ITGB3BP: variants seen among roughly 807,000 people sequenced by gnomAD.
The protein encoded by ITGB3BP is centromere protein R.
ITGB3BP carries 27 observed loss-of-function variants against 29.1 expected under a neutral mutation model. The ratio of observed to expected loss-of-function variants is 0.93; its 90% CI spans 0.68 to 1.28. ITGB3BP has a LOEUF of 1.28. Among genes scored for constraint, ITGB3BP ranks in the 50% most tolerant of loss-of-function variants. The probability of loss-of-function intolerance (pLI) is 0.00; values close to 1 mark genes in which losing one functional copy is unlikely to be tolerated. For missense variants in ITGB3BP, 192 were observed against 200.2 expected (o/e 0.96, Z 0.25); for synonymous variants, 61 against 61.4 (o/e 0.99, Z 0.03).
upstream of ITGB3BP, chr1:63,525,605 C>G (rs1314325768): frequency 1.3e-6 from 2 of 1,572,308 alleles, no homozygotes; most frequent in South Asian, 2.4e-5. Flanking sequence ...ATGCAACTTT[C>G]TCCAGTCAGA....
chr1:63,497,731 A>C (rs1408873031), intron 2 of ITGB3BP, among the ~76,000 whole-genome samples: 1 of 129,974 alleles, frequency 7.7e-6, no homozygotes, highest in African/African-American at 2.7e-5. Context: ...TGAAGAGGGA[A>C]GGACAGAAGG....
chr1:63,525,725 G>A, upstream of ITGB3BP: 1 of 1,571,626 alleles, frequency 6.4e-7, no homozygotes, highest in South Asian at 1.2e-5. Flanking sequence ...AAAGCAGCTT[G>A]GAAAACATTA....
At chr1:63,494,949 C>T (rs1327279010) in intron 2 of ITGB3BP, among the ~76,000 whole-genome samples, 4 of 152,154 alleles carry the variant, frequency 2.6e-5, no homozygotes, top group East Asian at 1.9e-4. Flanking sequence ...GCTATAGGCA[C>T]GCACTACCAT....
intron 8 of ITGB3BP, chr1:63,446,515 CTTGA>C (rs1490404804): frequency 3.2e-6 from 1 of 316,046 alleles, no homozygotes; most frequent in South Asian, 8.0e-5. Context: ...ATGAAAGATG[CTTGA>C]TTAAGGACCC....
At chr1:63,443,362 A>G (rs1192195124) in intron 8 of ITGB3BP, among the ~76,000 whole-genome samples, 1 of 152,184 alleles carries the variant, frequency 6.6e-6, no homozygotes, top group Admixed American at 6.5e-5. Flanking sequence ...AAAGACGGGT[A>G]AAATTTTGAC....
chr1:63,502,874 T>G (rs866677363), intron 2 of ITGB3BP, among the ~76,000 whole-genome samples: 3 of 152,214 alleles, frequency 2.0e-5, no homozygotes, highest in Non-Finnish European at 4.4e-5. Context: ...TAGTATTCCA[T>G]GGTGCATATG....
At chr1:63,523,491 G>A, upstream of ITGB3BP, 1 of 344,798 alleles carries the variant, frequency 2.9e-6, no homozygotes, top group South Asian at 3.3e-5. Flanking sequence ...TTGGAGAAGG[G>A]CTCTGCATCT....
intron 4 of ITGB3BP, among the ~76,000 whole-genome samples, chr1:63,464,152 A>T (rs1475658577): frequency 6.6e-6 from 1 of 152,182 alleles, no homozygotes; most frequent in Non-Finnish European, 1.5e-5. Context: ...ATCTCATTTT[A>T]AAAAGTCAAA....
At chr1:63,473,607 CGGGA>C (rs1645259033) in intron 4 of ITGB3BP, among the ~76,000 whole-genome samples, 3 of 74,390 alleles carry the variant, frequency 4.0e-5, no homozygotes, top group Non-Finnish European at 9.0e-5. Context: ...CCGCCCCGTC[CGGGA>C]GGGAGGTGGG....
chr1:63,473,349 G>A (rs1254999546), intron 4 of ITGB3BP, among the ~76,000 whole-genome samples: 1 of 151,288 alleles, frequency 6.6e-6, no homozygotes, highest in Non-Finnish European at 1.5e-5. Context: ...GAGGTGGCGG[G>A]GGGTCAGCCC....
upstream of ITGB3BP, chr1:63,525,744 G>T: frequency 6.4e-7 from 1 of 1,562,716 alleles, no homozygotes; most frequent in South Asian, 1.2e-5. Flanking sequence ...TATTTCTAAA[G>T]ATCAACTTTA....
At chr1:63,445,572 A>G (rs1050155787) in intron 8 of ITGB3BP, among the ~76,000 whole-genome samples, 3 of 151,922 alleles carry the variant, frequency 2.0e-5, no homozygotes, top group Middle Eastern at 3.4e-3. Flanking sequence ...CCTAAGAGAT[A>G]GCAGGCAAAA....
At chr1:63,484,683 T>C (rs963354666) in intron 3 of ITGB3BP, among the ~76,000 whole-genome samples, 3 of 152,144 alleles carry the variant, frequency 2.0e-5, no homozygotes, top group Non-Finnish European at 4.4e-5. Context: ...GTGAACATTC[T>C]ACATGTGCTT....
intron 4 of ITGB3BP, among the ~76,000 whole-genome samples, chr1:63,468,729 C>T (rs945050067): frequency 5.9e-5 from 9 of 152,002 alleles, no homozygotes; most frequent in Non-Finnish European, 8.8e-5. Context: ...GGCGTGGTTG[C>T]GCATGCCTGT....
At chr1:63,497,767 C>A (rs1472007530) in intron 2 of ITGB3BP, among the ~76,000 whole-genome samples, 1 of 152,112 alleles carries the variant, frequency 6.6e-6, no homozygotes, top group Admixed American at 6.5e-5. Flanking sequence ...CCTGTCTGTT[C>A]TTTTCTTGAT....
Position 63,523,192 on chromosome 1 carries a change from A to C in ITGB3BP, c.-59T>G. The C allele has an allele frequency of 6.2e-7, 1 of 1,612,008 alleles. No homozygotes were observed. The highest frequency in any genetic ancestry group is 1.7e-5 in the Admixed American group (1 of 59,980). On this transcript the variant is annotated 5_prime_UTR_variant, in exon 1 of 9. Coordinates refer to ENST00000271002, the MANE Select transcript of ITGB3BP (RefSeq NM_014288.5). ...TAAAACGAACCCAGCAACTTCCGAA[A>C]ACAGAAAATCCGCCAAAGGAAACGC...
intron 2 of ITGB3BP, chr1:63,529,094 A>G (rs910259592): frequency 2.6e-5 from 4 of 152,236 alleles, no homozygotes; most frequent in African/African-American, 9.6e-5. Flanking sequence ...GAATTAAGGA[A>G]TAGTTCATTT....
chr1:63,481,452 A>G (rs1208243070), intron 3 of ITGB3BP, among the ~76,000 whole-genome samples: 1 of 152,170 alleles, frequency 6.6e-6, no homozygotes, highest in African/African-American at 2.4e-5. Flanking sequence ...ATTTCATTCC[A>G]TTCTATTAAA....
intron 3 of ITGB3BP, among the ~76,000 whole-genome samples, chr1:63,487,718 T>C (rs1229159311): frequency 1.3e-5 from 2 of 152,104 alleles, no homozygotes; most frequent in African/African-American, 2.4e-5. Flanking sequence ...AGGACCATCA[T>C]TGTATGTGGT....
Sources: allele counts gnomAD v4.1 joint callset (sites outside exome capture counted in the v4.1 genomes callset), GRCh38; gene constraint gnomAD v4.1.1; transcripts MANE v1.5; gene names NCBI Gene and HGNC (gene_info 2026-07-23, HGNC 2026-07-21).